MDM4: variants seen among roughly 807,000 people sequenced by gnomAD.
MDM4 encodes the protein MDM4 regulator of p53, also known as protein Mdm4.
Under a neutral mutation model 60.2 loss-of-function variants are expected in MDM4, and 2 were observed. That is an observed-to-expected ratio of 0.03 (90% CI 0.01 to 0.10). The LOEUF (loss-of-function observed/expected upper bound fraction) is 0.10, where lower values mean the gene tolerates loss of function less well. MDM4 is among the 10% of genes least tolerant of loss of function. MDM4 has a pLI of 1.00. For synonymous variants in MDM4, 202 were observed against 198.1 expected (o/e 1.02, Z -0.17); for missense variants, 447 against 577.5 (o/e 0.77, Z 2.32).
chr1:204,523,414 C>T (rs1322691937), intron 1 of MDM4, among the ~76,000 whole-genome samples: 7 of 147,454 alleles, frequency 4.7e-5, no homozygotes, highest in African/African-American at 1.2e-4. Context: ...TTGCAGTGAG[C>T]CGAGATCATG....
At chr1:204,532,574 G>T in intron 5 of MDM4, 1 of 580,798 alleles carries the variant, frequency 1.7e-6, no homozygotes, top group Non-Finnish European at 3.0e-6. Context: ...AATTTAACAT[G>T]TAATTCCATA....
rs1663075869 is a variant in MDM4 at position 204,550,200 on chromosome 1, G to C, written c.*518G>C. 1.3e-5 allele frequency: 3 copies of C among 222,482 alleles called. No individual in the cohort carries two copies. Among genetic ancestry groups the C allele is most frequent in the Non-Finnish European group, 2.6e-5 (3 of 115,458 alleles). 13.8% of individuals were successfully genotyped at this position (222,482 alleles called of 1,614,324 possible). On this transcript the variant is annotated 3_prime_UTR_variant, in exon 11 of 11. Coordinates refer to ENST00000367182, the MANE Select transcript of MDM4 (RefSeq NM_002393.5). The stretch of plus-strand genomic sequence containing the variant: ...GGTGTGGGGCGACAGGGTCTGTCTT[G>C]TTCTGTCTCCCAGGCTGAAGTGCAG...
Position 204,556,579 on chromosome 1 carries a change from C to G in MDM4, c.*6897C>G, listed in dbSNP as rs777205596. The G allele has an allele frequency of 4.9e-6, 1 of 202,074 alleles. No individual in the cohort carries two copies. The highest frequency in any genetic ancestry group is 1.0e-5 in the Non-Finnish European group (1 of 98,412). The allele number at this position is 202,074 out of a possible 1,614,324, so 12.5% of individuals were successfully genotyped here. A position where few individuals can be genotyped will look rare whatever the true frequency, so the allele number is the denominator to read the frequency against. ...TGGGCATGGTGGGTGCATGCTTGTC[C>G]CAGCTACTGAGGAGGCTGAGGTGGG... On this transcript the variant is annotated 3_prime_UTR_variant, in exon 11 of 11. Coordinates refer to ENST00000367182, the MANE Select transcript of MDM4 (RefSeq NM_002393.5).
In MDM4 at chr1:204,556,402, A is replaced by G. The variant is rs1663539133; in HGVS notation, c.*6720A>G. Reference sequence around the variant, plus strand: ...TAGCTCCCCTGTTGTCTCAGCACTAAGAAATTGAGGTCAGGCCAGGCGCGG... The same window carrying G: ...TAGCTCCCCTGTTGTCTCAGCACTAGGAAATTGAGGTCAGGCCAGGCGCGG... On this transcript the variant is annotated 3_prime_UTR_variant, in exon 11 of 11. Transcript: ENST00000367182. The G allele has an allele frequency of 4.4e-6, 1 of 227,718 alleles. No individual in the cohort carries two copies. The highest frequency in any genetic ancestry group is 8.7e-6 in the Non-Finnish European group (1 of 114,632). 14.1% of individuals were successfully genotyped at this position (227,718 alleles called of 1,614,324 possible).
At chr1:204,541,229 CA>C (rs1422743703) in intron 7 of MDM4, among the ~76,000 whole-genome samples, 10 of 152,120 alleles carry the variant, frequency 6.6e-5, no homozygotes, top group Non-Finnish European at 1.3e-4. Context: ...GAGGCTGAGG[CA>C]GGGGCATTAC....
intron 1 of MDM4, among the ~76,000 whole-genome samples, chr1:204,517,796 T>C (rs1384955944): frequency 6.6e-6 from 1 of 152,128 alleles, no homozygotes; most frequent in Non-Finnish European, 1.5e-5. Flanking sequence ...ACTTGGAACC[T>C]CTTGGTGTTA....
At position 204,549,238 on chromosome 1, in the gene MDM4, G is replaced by A. The variant is rs770826577; in HGVS notation, c.1029G>A (p.Thr343=). Residue 343 remains threonine (T), a synonymous_variant, in exon 11 of 11, where the codon ACG becomes ACA. Coordinates refer to ENST00000367182, the MANE Select transcript of MDM4 (RefSeq NM_002393.5). The part of the protein sequence containing the change: ...DCSKLTHSLS[T]SDITAIPEKE... ...CAAAGTTAACCCATTCTCTCTCCAC[G>A]TCTGATATCACTGCCATACCTGAAA... is the stretch of plus-strand genomic sequence containing the variant. The A allele has an allele frequency of 8.1e-6, 13 of 1,614,064 alleles. No homozygotes were observed. The highest frequency in any genetic ancestry group is 2.2e-5 in the South Asian group (2 of 91,090).
rs2102476504 is a variant in MDM4, at chr1:204,553,601, C to T, written c.*3919C>T. On this transcript the variant is annotated 3_prime_UTR_variant, in exon 11 of 11. Transcript: ENST00000367182. ...TGAATAATGAAATCACACCACATTA[C>T]CATCAGATTTCTTGTTTTAGTTGTC... 1 of 228,172 alleles carries T rather than the reference C, an allele frequency of 4.4e-6. No homozygotes were observed. Among genetic ancestry groups the T allele is most frequent in the Admixed American group, 5.7e-5 (1 of 17,628 alleles). 14.1% of individuals were successfully genotyped at this position (228,172 alleles called of 1,614,324 possible).
chr1:204,542,973 T>G, intron 8 of MDM4, 29 bp downstream of exon 8: 2 of 1,570,024 alleles, frequency 1.3e-6, no homozygotes, highest in East Asian at 4.5e-5. Flanking sequence ...GGGAAGTGGT[T>G]TTTTTTCTTT....
In MDM4 at chr1:204,557,929, TAAC is replaced by T. The variant is rs5780238; in HGVS notation, c.*8254_*8256del. The T allele has an allele frequency of 0.54, 91,616 of 170,056 alleles. 23,438 individuals carry two copies. The highest frequency in any genetic ancestry group is 0.58 in the Admixed American group (8,896 of 15,226). 10.5% of individuals were successfully genotyped at this position (170,056 alleles called of 1,614,324 possible). A position where few individuals can be genotyped will look rare whatever the true frequency, so the allele number is the denominator to read the frequency against. ...CTAATAATAATAATAATAATAATAATAACAACAACTTATTGAATGTGGCCAGCT... is the reference window on the plus strand; with the variant it reads ...CTAATAATAATAATAATAATAATAATAACAACTTATTGAATGTGGCCAGCT... On this transcript the variant is annotated 3_prime_UTR_variant, in exon 11 of 11. Coordinates refer to ENST00000367182, the MANE Select transcript of MDM4 (RefSeq NM_002393.5).
intron 1 of MDM4, among the ~76,000 whole-genome samples, chr1:204,523,024 G>A (rs1297675484): frequency 8.6e-5 from 13 of 151,590 alleles, no homozygotes; most frequent in African/African-American, 2.7e-4. Flanking sequence ...CACCACGCTC[G>A]CCTAATTTTT....
chr1:204,541,117 G>A (rs958961455), intron 7 of MDM4, among the ~76,000 whole-genome samples: 1 of 151,976 alleles, frequency 6.6e-6, no homozygotes, highest in East Asian at 1.9e-4. Context: ...TGCTTATTTT[G>A]TACTCAAAAG....
intron 5 of MDM4, among the ~76,000 whole-genome samples, chr1:204,536,262 A>C (rs763150435): frequency 2.0e-5 from 3 of 152,232 alleles, no homozygotes; most frequent in Non-Finnish European, 4.4e-5. Context: ...AAACAAACAA[A>C]AAAATTGCTC....
At chr1:204,528,383 ATC>A (rs1660461426) in intron 3 of MDM4, among the ~76,000 whole-genome samples, 1 of 152,164 alleles carries the variant, frequency 6.6e-6, no homozygotes, top group Non-Finnish European at 1.5e-5. Flanking sequence ...CCAGGGGCAA[ATC>A]TCTCTCATGC....
At chr1:204,536,808 C>G (rs549515783) in intron 5 of MDM4, 1 of 199,852 alleles carries the variant, frequency 5.0e-6, no homozygotes, top group East Asian at 1.7e-4. Context: ...GCTGCTGCTT[C>G]TTAGGAAATG....
intron 9 of MDM4, among the ~76,000 whole-genome samples, chr1:204,546,590 C>T (rs1049019040): frequency 2.6e-5 from 4 of 152,314 alleles, no homozygotes; most frequent in East Asian, 3.9e-4. Flanking sequence ...CTTCTGGGTG[C>T]TTTTCTGTCG....
In MDM4 at chr1:204,550,809, C is replaced by A. The variant is rs1450177955; in HGVS notation, c.*1127C>A. On this transcript the variant is annotated 3_prime_UTR_variant, in exon 11 of 11. Coordinates refer to ENST00000367182, the MANE Select transcript of MDM4 (RefSeq NM_002393.5). ...TCAGCCTCCCAAAGTGTTGGGCTTACAGCCTTGAGCCACTATGCTTGGCTC... is the reference window on the plus strand; with the variant it reads ...TCAGCCTCCCAAAGTGTTGGGCTTAAAGCCTTGAGCCACTATGCTTGGCTC... The A allele has an allele frequency of 2.3e-5, 4 of 177,514 alleles. No individual in the cohort carries two copies. 11.0% of individuals were successfully genotyped at this position (177,514 alleles called of 1,614,324 possible).
chr1:204,531,059 TG>T (rs1660806225), intron 4 of MDM4, among the ~76,000 whole-genome samples: 1 of 152,194 alleles, frequency 6.6e-6, no homozygotes, highest in African/African-American at 2.4e-5. Flanking sequence ...CACTAATTCA[TG>T]GTAAACCTAC....
At position 204,557,143 on chromosome 1, in the gene MDM4, G is replaced by A. The variant is rs1663584779; in HGVS notation, c.*7461G>A. On this transcript the variant is annotated 3_prime_UTR_variant, in exon 11 of 11. Transcript: ENST00000367182. The stretch of plus-strand genomic sequence containing the variant: ...TCTAAGAACCTATTATGCTCTTGGT[G>A]TACCAAGCTCTGGGGTATATATTCA... 1 of 198,198 alleles carries A rather than the reference G, an allele frequency of 5.0e-6. No individual in the cohort carries two copies. The highest frequency in any genetic ancestry group is 1.0e-5 in the Non-Finnish European group (1 of 95,662). The allele number at this position is 198,198 out of a possible 1,614,324, so 12.3% of individuals were successfully genotyped here.
Sources: allele counts gnomAD v4.1 joint callset (sites outside exome capture counted in the v4.1 genomes callset), GRCh38; gene constraint gnomAD v4.1.1; transcripts MANE v1.5; gene names NCBI Gene and HGNC (gene_info 2026-07-23, HGNC 2026-07-21).